PPP2R3A: variants seen among roughly 807,000 people sequenced by gnomAD.
The protein encoded by PPP2R3A is protein phosphatase 2 regulatory subunit B''alpha.
Under a neutral mutation model 106.9 loss-of-function variants are expected in PPP2R3A, and 80 were observed. The ratio of observed to expected loss-of-function variants is 0.75; its 90% confidence interval spans 0.62 to 0.90. The LOEUF (loss-of-function observed/expected upper bound fraction) is 0.90, where lower values mean the gene tolerates loss of function less well. Among genes scored for constraint, PPP2R3A ranks in the 40% least tolerant of loss-of-function variants. The pLI is 0.00. For missense variants in PPP2R3A, 1,386 were observed against 1,350.4 expected, an observed-to-expected ratio of 1.03 and a Z score of -0.41; for synonymous variants, 483 against 468.3, an observed-to-expected ratio of 1.03 and a Z score of -0.41.
At chr3:136,062,016 A>AC (rs1936095017) in intron 5 of PPP2R3A, among the ~76,000 whole-genome samples, 1 of 152,058 alleles carries the variant, frequency 6.6e-6, no homozygotes, top group African/African-American at 2.4e-5. Context: ...TTTTGGAAAA[A>AC]TGTAGATAAA....
chr3:135,983,098 G>A (rs1937560680), intron 1 of PPP2R3A, among the ~76,000 whole-genome samples: 1 of 152,178 alleles, frequency 6.6e-6, no homozygotes, highest in African/African-American at 2.4e-5. Context: ...GGATTCCAAA[G>A]CCATATCCAG....
Position 136,101,456 on chromosome 3 carries a change from G to A in PPP2R3A, c.2928-551G>A, listed in dbSNP as rs533280433. Among the ~76,000 whole-genome samples the A allele has an allele frequency of 5.9e-5, 9 of 152,074 alleles. No homozygotes were observed. The East Asian group carries it at 9.7e-4, about 16-fold the overall frequency. On this transcript the variant is annotated intron_variant, in intron 10 of 13. Transcript: ENST00000264977. ...GTTTTTATCTTGAGGCGGGAGTCTCGTTCTTTCACCCAGGCTGGAGTGCAG... is the reference window on the plus strand; with the variant it reads ...GTTTTTATCTTGAGGCGGGAGTCTCATTCTTTCACCCAGGCTGGAGTGCAG...
In PPP2R3A at chr3:136,082,212, G is replaced by C; in HGVS notation, c.2632-53G>C. On this transcript the variant is annotated intron_variant, in intron 7 of 13. Coordinates refer to ENST00000264977, the MANE Select transcript of PPP2R3A (RefSeq NM_002718.5). Reference sequence around the variant, plus strand: ...AGAAATTCGCTAGACTCTGCACAGTGGCCAAAGCTGCTTTTTCATAATGTT... The same window carrying C: ...AGAAATTCGCTAGACTCTGCACAGTCGCCAAAGCTGCTTTTTCATAATGTT... The C allele has an allele frequency of 2.1e-6, 3 of 1,463,202 alleles. No homozygotes were observed. In the South Asian group the frequency reaches 3.6e-5, roughly 17 times the overall value. The allele number at this position is 1,463,202 out of a possible 1,614,324, so 90.6% of individuals were successfully genotyped here. A position where few individuals can be genotyped will look rare whatever the true frequency, so the allele number is the denominator to read the frequency against.
chr3:136,104,573 TG>T (rs369264750), intron 12 of PPP2R3A, among the ~76,000 whole-genome samples: 4 of 152,204 alleles, frequency 2.6e-5, no homozygotes, highest in African/African-American at 7.2e-5. Context: ...CCCAAAGTGC[TG>T]GGATTACAGG....
chr3:136,056,021 A>G (rs1220852600), intron 5 of PPP2R3A, among the ~76,000 whole-genome samples: 2 of 152,172 alleles, frequency 1.3e-5, no homozygotes, highest in African/African-American at 4.8e-5. Context: ...CGTTGTTAGT[A>G]TGTACCTTTG....
intron 13 of PPP2R3A, among the ~76,000 whole-genome samples, chr3:136,125,990 A>G (rs759307130): frequency 1.3e-5 from 2 of 152,202 alleles, no homozygotes; most frequent in Non-Finnish European, 2.9e-5. Flanking sequence ...TTAACATCAC[A>G]GTTATGGTTA....
chr3:136,100,010 G>C (rs1242742272), intron 10 of PPP2R3A, among the ~76,000 whole-genome samples: 1 of 151,670 alleles, frequency 6.6e-6, no homozygotes, highest in Non-Finnish European at 1.5e-5. Context: ...AAACTGAATA[G>C]GCTCTCAGAA....
intron 8 of PPP2R3A, among the ~76,000 whole-genome samples, chr3:136,083,091 T>G (rs1936831084): frequency 6.6e-6 from 1 of 152,216 alleles, no homozygotes; most frequent in African/African-American, 2.4e-5. Flanking sequence ...CACGGCTCAC[T>G]GTAACCTCAA....
chr3:135,986,249 C>T (rs1932913348), intron 1 of PPP2R3A, among the ~76,000 whole-genome samples: 1 of 152,098 alleles, frequency 6.6e-6, no homozygotes, highest in African/African-American at 2.4e-5. Flanking sequence ...ATGAGTCCCA[C>T]AGGGCTCAGC....
At chr3:135,990,725 G>A (rs938760015) in intron 1 of PPP2R3A, among the ~76,000 whole-genome samples, 2 of 152,080 alleles carry the variant, frequency 1.3e-5, no homozygotes, top group African/African-American at 4.8e-5. Flanking sequence ...AAGCCCCTGA[G>A]CTGCCTTCAT....
intron 13 of PPP2R3A, among the ~76,000 whole-genome samples, chr3:136,127,292 C>G (rs763382131): frequency 2.0e-5 from 3 of 152,114 alleles, no homozygotes; most frequent in African/African-American, 4.8e-5. Flanking sequence ...GAATGGCTAA[C>G]TAGAATAAAC....
intron 13 of PPP2R3A, among the ~76,000 whole-genome samples, chr3:136,135,199 A>G (rs1376053365): frequency 6.6e-6 from 1 of 152,128 alleles, no homozygotes; most frequent in African/African-American, 2.4e-5. Context: ...CAACCGTTGT[A>G]TATGAGAGGC....
intron 2 of PPP2R3A, among the ~76,000 whole-genome samples, chr3:136,016,014 T>A (rs1279966504): frequency 6.6e-6 from 1 of 152,156 alleles, no homozygotes; most frequent in East Asian, 1.9e-4. Context: ...TGATAGGTTG[T>A]GTCACTATTA....
intron 9 of PPP2R3A, among the ~76,000 whole-genome samples, 166 bp from the exon 10 acceptor site, chr3:136,090,412 C>T (rs779431507): frequency 3.3e-5 from 5 of 152,144 alleles, no homozygotes; most frequent in Non-Finnish European, 4.4e-5. Context: ...ACCCTCTAGA[C>T]CTTTGAAAAT....
intron 6 of PPP2R3A, among the ~76,000 whole-genome samples, chr3:136,073,905 T>TA (rs1249001316): frequency 3.9e-5 from 6 of 152,160 alleles, no homozygotes; most frequent in Admixed American, 3.9e-4. Context: ...TTGTTAGACA[T>TA]AAAAGTGACC....
intron 5 of PPP2R3A, among the ~76,000 whole-genome samples, chr3:136,054,253 C>CTTTTTTTTTTTTTTTTTTTTTTTTTTTTT (rs35801926): frequency 2.5e-5 from 2 of 80,728 alleles, no homozygotes; most frequent in Non-Finnish European, 2.2e-5. Context: ...CTTCACAATT[C>CTTTTTTTTTTTTTTTTTTTTTTTTTTTTT]TTTTTTTTTT....
At chr3:136,049,493 A>C in intron 5 of PPP2R3A, 132 bp downstream of exon 5, 1 of 585,860 alleles carries the variant, frequency 1.7e-6, no homozygotes, top group African/African-American at 2.0e-5. Flanking sequence ...GTGGTTTTCA[A>C]ACTTGTTTTA....
chr3:136,038,998 C>G (rs1190648827), intron 3 of PPP2R3A, among the ~76,000 whole-genome samples: 2 of 152,162 alleles, frequency 1.3e-5, no homozygotes, highest in Non-Finnish European at 2.9e-5. Context: ...CAGTAGCAGC[C>G]TCTTATTTCT....
At chr3:136,114,391 T>C (rs1219754229) in intron 13 of PPP2R3A, among the ~76,000 whole-genome samples, 3 of 152,006 alleles carry the variant, frequency 2.0e-5, no homozygotes, top group Admixed American at 1.3e-4. Flanking sequence ...TTTTGTTTTG[T>C]TTTTCCCCAT....
Sources: allele counts gnomAD v4.1 joint callset (sites outside exome capture counted in the v4.1 genomes callset), GRCh38; gene constraint gnomAD v4.1.1; transcripts MANE v1.5; gene names NCBI Gene and HGNC (gene_info 2026-07-23, HGNC 2026-07-21).